SLC26A1: variants seen among roughly 807,000 people sequenced by gnomAD.
SLC26A1 encodes sulfate anion transporter 1.
In SLC26A1, 18 loss-of-function variants were observed where a neutral mutation model predicts 14.5. The observed-to-expected ratio is 1.24, with a 90% CI of 0.86 to 1.84. The LOEUF is 1.84. SLC26A1 is among the 40% of genes most tolerant of loss of function. The probability of loss-of-function intolerance (pLI) is 0.00; values close to 1 mark genes in which losing one functional copy is unlikely to be tolerated. For missense variants in SLC26A1, 1,049 were observed against 1,020.0 expected (o/e 1.03, Z -0.39); for synonymous variants, 505 against 492.0 (o/e 1.03, Z -0.35).
At chr4:986,832 C>A (rs1713749945), downstream of SLC26A1, 1 of 633,184 alleles carries the variant, frequency 1.6e-6, no homozygotes, top group Non-Finnish European at 2.9e-6. Flanking sequence ...AAGCGTTCTT[C>A]TGAGCGCTTT....
chr4:988,511 T>G lies in SLC26A1; in HGVS notation c.*322A>C. On this transcript the variant is annotated 3_prime_UTR_variant, in exon 3 of 3. Coordinates refer to ENST00000398516, the MANE Select transcript of SLC26A1 (RefSeq NM_022042.4). ...GAGGCTGCATGATGGCGGGGGACCC[T>G]TGTTCAAATAAGATGTCAACCCTGA... 1 of 1,164,882 alleles carries G rather than the reference T, an allele frequency of 8.6e-7. No individual in the cohort carries two copies. Among genetic ancestry groups the G allele is most frequent in the Non-Finnish European group, 1.1e-6 (1 of 942,990 alleles). The allele number at this position is 1,164,882 out of a possible 1,614,324, so 72.2% of individuals were successfully genotyped here. A position where few individuals can be genotyped will look rare whatever the true frequency, so the allele number is the denominator to read the frequency against.
exon 3 of SLC26A1, chr4:979,442 C>A (rs145891607): frequency 1.9e-6 from 3 of 1,608,016 alleles, no homozygotes; most frequent in African/African-American, 1.3e-5. Flanking sequence ...GAAGTTCCTG[C>A]GAGTCACTCC....
intron 1 of SLC26A1, chr4:992,074 C>T (rs1464717740): frequency 1.9e-6 from 1 of 535,910 alleles, no homozygotes; most frequent in Non-Finnish European, 3.6e-6. Flanking sequence ...CTGAAAACCA[C>T]CCTGTAGCCT....
chr4:983,079 C>G (rs1050077961), downstream of SLC26A1, among the ~76,000 whole-genome samples: 8 of 152,270 alleles, frequency 5.3e-5, no homozygotes, highest in Non-Finnish European at 1.5e-5. Flanking sequence ...TTCACTTTTC[C>G]CATACAGCAC....
chr4:990,700 A>T, intron 2 of SLC26A1: 1 of 414,940 alleles, frequency 2.4e-6, no homozygotes, highest in Non-Finnish European at 4.3e-6. Flanking sequence ...CTTCCTACAC[A>T]TGGTGCCCAC....
chr4:991,401 G>A lies in SLC26A1; in HGVS notation c.303C>T (p.Ser101=), dbSNP rs1282961922. ...SLLAGLQPIY[S]LYTSFFANLI... is the part of the protein sequence containing the mutation. ...GGTTGGCGAAGAAGGACGTATAGAG[G>A]CTGTAGATGGGCTGCAGCCCGGCCA... is the stretch of plus-strand genomic sequence containing the variant. Residue 101 remains serine, a synonymous_variant, in exon 2 of 3, where the codon AGC becomes AGT. Coordinates refer to ENST00000398516, the MANE Select transcript of SLC26A1 (RefSeq NM_022042.4). 1 of 1,612,740 alleles carries A rather than the reference G, an allele frequency of 6.2e-7. No homozygotes were observed. The highest frequency in any genetic ancestry group is 8.5e-7 in the Non-Finnish European group (1 of 1,179,976).
intron 2 of SLC26A1, chr4:979,512 G>C (rs1353349323): frequency 7.4e-6 from 12 of 1,613,218 alleles, no homozygotes; most frequent in Non-Finnish European, 1.0e-5. Flanking sequence ...CGTCTGGAAG[G>C]AAGTGGCCGG....
At chr4:979,577 C>T in intron 2 of SLC26A1, 2 of 1,587,554 alleles carry the variant, frequency 1.3e-6, no homozygotes, top group Non-Finnish European at 1.7e-6. Context: ...CAAACGTCCC[C>T]CTGCCGGGCC....
At chr4:979,358 G>A (rs1713468171) in exon 3 of SLC26A1, 1 of 1,073,740 alleles carries the variant, frequency 9.3e-7, no homozygotes, top group African/African-American at 1.6e-5. Context: ...AGGCTGGTGT[G>A]AGGGTCCCGC....
chr4:989,965 G>T lies in SLC26A1; in HGVS notation c.974C>A (p.Thr325Lys). 1 of 1,556,548 alleles carries T rather than the reference G, an allele frequency of 6.4e-7. No homozygotes were observed. The highest frequency in any genetic ancestry group is 2.4e-5 in the East Asian group (1 of 41,522). Residue 325 changes from threonine to lysine, a missense_variant, in exon 3 of 3, where the codon ACG becomes AAG. Physicochemically the swap from Thr to Lys is moderately conservative, Grantham distance 78. Coordinates refer to ENST00000398516, the MANE Select transcript of SLC26A1 (RefSeq NM_022042.4). ...TGGGACCTGAGGGGGCATGAAACCC[G>T]TGGGGATGTCGCCAGCCACGCTCGA... ...FGSSVAGDIP[T>K]GFMPPQVPEP...
downstream of SLC26A1, among the ~76,000 whole-genome samples, chr4:984,721 C>A (rs549605566): frequency 2.0e-5 from 3 of 152,290 alleles, no homozygotes; most frequent in South Asian, 6.2e-4. Context: ...ATCCCAGCTA[C>A]TCAGGAGGCT....
In SLC26A1 at chr4:988,002, T is replaced by C; in HGVS notation, c.*831A>G. ...CCAGAGCCCCTTACAGAGGCACAGA[T>C]GGGAGGGGAGGGCTGGGGGCTGCTC... On this transcript the variant is annotated 3_prime_UTR_variant, in exon 3 of 3. Coordinates refer to ENST00000398516, the MANE Select transcript of SLC26A1 (RefSeq NM_022042.4). The C allele has an allele frequency of 6.6e-7, 1 of 1,521,666 alleles. No individual in the cohort carries two copies. Among genetic ancestry groups the C allele is most frequent in the Non-Finnish European group, 8.9e-7 (1 of 1,128,426 alleles). The allele number at this position is 1,521,666 out of a possible 1,614,324, so 94.3% of individuals were successfully genotyped here. A position where few individuals can be genotyped will look rare whatever the true frequency, so the allele number is the denominator to read the frequency against.
At chr4:986,200 G>T (rs570477262), downstream of SLC26A1, among the ~76,000 whole-genome samples, 1 of 152,226 alleles carries the variant, frequency 6.6e-6, no homozygotes, top group South Asian at 2.1e-4. Flanking sequence ...GGGATTGCAG[G>T]TGTGAGCCAC....
intron 2 of SLC26A1, among the ~76,000 whole-genome samples, chr4:982,410 G>C (rs1431383664): frequency 6.6e-6 from 1 of 152,234 alleles, no homozygotes; most frequent in Non-Finnish European, 1.5e-5. Context: ...TAAACCCCTG[G>C]GCTGCCTGGC....
At chr4:985,355 G>A (rs1713674714), downstream of SLC26A1, among the ~76,000 whole-genome samples, 1 of 147,924 alleles carries the variant, frequency 6.8e-6, no homozygotes, top group Non-Finnish European at 1.5e-5. Flanking sequence ...GGCCTCAGAG[G>A]CTCCTCAGAG....
downstream of SLC26A1, among the ~76,000 whole-genome samples, chr4:984,394 A>C (rs1713637071): frequency 6.6e-6 from 1 of 152,216 alleles, no homozygotes; most frequent in African/African-American, 2.4e-5. Flanking sequence ...TATGTAATCT[A>C]AATTTATTGT....
intron 1 of SLC26A1, chr4:992,373 C>A: frequency 8.3e-6 from 3 of 363,026 alleles, no homozygotes; most frequent in Admixed American, 6.5e-5. Context: ...GCGGAAGTCT[C>A]AGGAAGAGGC....
rs767184160 is a variant in SLC26A1 at position 990,363 on chromosome 4, C to T, written c.577-1G>A. On this transcript the variant is annotated splice_acceptor_variant, in intron 2 of 2. Coordinates refer to ENST00000398516, the MANE Select transcript of SLC26A1 (RefSeq NM_022042.4). LOFTEE classifies it high-confidence loss of function. Reference sequence around the variant, plus strand: ...CCAGCCGGAGGACGCCCATGAGGACCTGTGGACGGAGTGCGGTCAGGCCAG... The same window carrying T: ...CCAGCCGGAGGACGCCCATGAGGACTTGTGGACGGAGTGCGGTCAGGCCAG... 2.1e-5 allele frequency: 33 copies of T among 1,591,370 alleles called. No homozygotes were observed. The East Asian group carries it at 7.5e-4, about 36-fold the overall frequency.
Position 991,392 on chromosome 4 carries a change from CGT to C in SLC26A1, c.310_311del (p.Thr104ValfsTer43), listed in dbSNP as rs758100654. The part of the protein sequence containing the change: ...AGLQPIYSLY[T>X]SFFANLIYFL... ...AGTAGATGAGGTTGGCGAAGAAGGACGTATAGAGGCTGTAGATGGGCTGCAGC... is the reference window on the plus strand; with the variant it reads ...AGTAGATGAGGTTGGCGAAGAAGGACATAGAGGCTGTAGATGGGCTGCAGC... On this transcript the variant is annotated frameshift_variant, in exon 2 of 3. Coordinates refer to ENST00000398516, the MANE Select transcript of SLC26A1 (RefSeq NM_022042.4). LOFTEE classifies it high-confidence loss of function. 4 of 1,612,818 alleles carry C rather than the reference CGT, an allele frequency of 2.5e-6. No homozygotes were observed. In the African/African-American group the frequency reaches 5.3e-5, roughly 21 times the overall value.
Sources: allele counts gnomAD v4.1 joint callset (sites outside exome capture counted in the v4.1 genomes callset), GRCh38; gene constraint gnomAD v4.1.1; transcripts MANE v1.5; gene names NCBI Gene and HGNC (gene_info 2026-07-23, HGNC 2026-07-21).